The following HYAL4 variants were observed in gnomAD, a reference collection of about 807,000 sequenced individuals.
The protein encoded by HYAL4 is hyaluronidase 4, also known as hyaluronidase-4.
In HYAL4, 37 loss-of-function variants were observed where a neutral mutation model predicts 35.2. That is an observed-to-expected ratio of 1.05 (90% confidence interval 0.81 to 1.38). The LOEUF is 1.38. Among genes scored for constraint, HYAL4 ranks in the 40% most tolerant of loss-of-function variants. HYAL4 has a pLI of 0.00. For synonymous variants in HYAL4, 198 were observed against 203.2 expected (o/e 0.97, Z 0.22); for missense variants, 572 against 572.4 (o/e 1.00, Z 0.01).
chr7:123,816,994 A>G, the HYAL4 span, among the ~76,000 whole-genome samples: 16 of 152,360 alleles, frequency 1.1e-4, no homozygotes, highest in East Asian at 1.9e-3. Context: ...ACTTAGACAA[A>G]TTGCAGAACA....
chr7:123,800,946 C>T, the HYAL4 span, among the ~76,000 whole-genome samples: 1 of 152,006 alleles, frequency 6.6e-6, no homozygotes, highest in Admixed American at 6.5e-5. Context: ...CAGGCGTGAA[C>T]CACTGTGCCC....
At chr7:123,802,279 C>T in the HYAL4 span, among the ~76,000 whole-genome samples, 6 of 152,144 alleles carry the variant, frequency 3.9e-5, no homozygotes, top group Non-Finnish European at 8.8e-5. Flanking sequence ...TAAACATACC[C>T]CTTTCCTCAC....
chr7:123,805,379 A>G, the HYAL4 span, among the ~76,000 whole-genome samples: 18 of 152,320 alleles, frequency 1.2e-4, no homozygotes, highest in South Asian at 3.7e-3. Flanking sequence ...ATGTCTTTAA[A>G]TGAAGGAAGG....
At chr7:123,783,799 G>A in the HYAL4 span, among the ~76,000 whole-genome samples, 1 of 152,178 alleles carries the variant, frequency 6.6e-6, no homozygotes, top group African/African-American at 2.4e-5. Context: ...TAGACTTTAT[G>A]TCATTGGTGA....
intron 2 of HYAL4, among the ~76,000 whole-genome samples, chr7:123,859,047 A>G (rs1279968861): frequency 6.6e-6 from 1 of 152,156 alleles, no homozygotes. Context: ...ATAAGGTCAG[A>G]AGTTAGTCTT....
chr7:123,783,688 G>A, the HYAL4 span, among the ~76,000 whole-genome samples: 1 of 152,078 alleles, frequency 6.6e-6, no homozygotes, highest in South Asian at 2.1e-4. Flanking sequence ...TTAGGGTGAT[G>A]GGGGGCAAAT....
intron 1 of HYAL4, among the ~76,000 whole-genome samples, chr7:123,830,003 T>G (rs1805856073): frequency 6.6e-6 from 1 of 152,142 alleles, no homozygotes; most frequent in Non-Finnish European, 1.5e-5. Context: ...CAGGAGCAGG[T>G]CACAAATAGA....
At chr7:123,858,528 A>G (rs189920404) in intron 2 of HYAL4, among the ~76,000 whole-genome samples, 2 of 152,132 alleles carry the variant, frequency 1.3e-5, no homozygotes, top group South Asian at 2.1e-4. Context: ...GAAAATGTCA[A>G]ACAGAGAAAG....
chr7:123,792,161 T>C, the HYAL4 span, among the ~76,000 whole-genome samples: 1 of 151,476 alleles, frequency 6.6e-6, no homozygotes, highest in African/African-American at 2.4e-5. Flanking sequence ...GGGAAAAAAA[T>C]CAAGGTATCA....
At chr7:123,828,242 A>G (rs772244640), upstream of HYAL4, among the ~76,000 whole-genome samples, 6 of 152,172 alleles carry the variant, frequency 3.9e-5, no homozygotes, top group Non-Finnish European at 2.9e-5. Flanking sequence ...CTGATGGACA[A>G]GTAAAGTATG....
chr7:123,838,106 A>C (rs1284538004), intron 1 of HYAL4, among the ~76,000 whole-genome samples: 1 of 152,150 alleles, frequency 6.6e-6, no homozygotes. Context: ...TGACTTCCAC[A>C]ATGGTTGAAC....
chr7:123,860,629 C>A (rs78628204), intron 2 of HYAL4, among the ~76,000 whole-genome samples: 3,775 of 152,146 alleles, frequency 0.025, 145 homozygotes, highest in African/African-American at 0.086. Context: ...TCTTATGTGG[C>A]CTTTGCCTTA....
At chr7:123,859,812 A>G (rs923110236) in intron 2 of HYAL4, among the ~76,000 whole-genome samples, 1 of 152,216 alleles carries the variant, frequency 6.6e-6, no homozygotes, top group African/African-American at 2.4e-5. Flanking sequence ...TTACAGCAAC[A>G]TATTACAAAA....
At chr7:123,806,565 T>C in the HYAL4 span, among the ~76,000 whole-genome samples, 2 of 151,886 alleles carry the variant, frequency 1.3e-5, no homozygotes, top group Non-Finnish European at 2.9e-5. Flanking sequence ...TGCCTCAGCC[T>C]CCTAAGTAGC....
chr7:123,865,850 A>C (rs191005196), intron 2 of HYAL4, among the ~76,000 whole-genome samples: 126 of 152,274 alleles, frequency 8.3e-4, no homozygotes, highest in Non-Finnish European at 1.7e-3. Context: ...AGAAAAAGAG[A>C]GTTAATGGAC....
At chr7:123,815,449 T>C in the HYAL4 span, among the ~76,000 whole-genome samples, 1 of 152,232 alleles carries the variant, frequency 6.6e-6, no homozygotes, top group South Asian at 2.1e-4. Flanking sequence ...TTTCTCATTA[T>C]ATTGCATTTG....
At chr7:123,832,526 G>A (rs1805901786) in intron 1 of HYAL4, among the ~76,000 whole-genome samples, 1 of 83,012 alleles carries the variant, frequency 1.2e-5, no homozygotes, top group South Asian at 4.8e-4. Context: ...TTGAGACAGA[G>A]TCTCGCTCTG....
At chr7:123,779,857 TTATC>T in the HYAL4 span, among the ~76,000 whole-genome samples, 1 of 152,188 alleles carries the variant, frequency 6.6e-6, no homozygotes, top group African/African-American at 2.4e-5. Flanking sequence ...TGAGTACTCA[TTATC>T]TATTTATTTG....
the HYAL4 span, among the ~76,000 whole-genome samples, chr7:123,787,697 A>G: frequency 6.6e-6 from 1 of 152,178 alleles, no homozygotes; most frequent in African/African-American, 2.4e-5. Flanking sequence ...GAGGAAGCAT[A>G]ATCTTCCTTA....
Sources: gnomAD v4.1 joint callset for allele counts (sites outside exome capture counted in the v4.1 genomes callset) on GRCh38, gnomAD v4.1.1 for gene constraint, MANE v1.5 for transcripts, NCBI Gene and HGNC (gene_info 2026-07-23, HGNC 2026-07-21) for gene names.